Variants in LSAMP observed in about 807,000 individuals in gnomAD.
The protein encoded by LSAMP is limbic system associated membrane protein.
LSAMP carries 7 observed loss-of-function variants against 38.6 expected under a neutral mutation model. The ratio of observed to expected loss-of-function variants is 0.18; its 90% CI spans 0.10 to 0.34. LSAMP has a LOEUF of 0.34. Ranked by LOEUF, LSAMP falls within the 10% of genes least tolerant of loss-of-function variation. The pLI is 1.00. For missense variants in LSAMP, 313 were observed against 420.0 expected, an observed-to-expected ratio of 0.75 and a Z score of 2.23; for synonymous variants, 154 against 166.8, an observed-to-expected ratio of 0.92 and a Z score of 0.59.
chr3:115,848,653 T>C (rs762040392), intron 4 of LSAMP, among the ~76,000 whole-genome samples: 6 of 152,150 alleles, frequency 3.9e-5, no homozygotes, highest in Non-Finnish European at 2.9e-5. Flanking sequence ...TGCCCCAGCA[T>C]GGGTGTTGGT....
intron 1 of LSAMP, among the ~76,000 whole-genome samples, chr3:116,214,280 A>T (rs1160990886): frequency 6.6e-6 from 1 of 152,172 alleles, no homozygotes; most frequent in African/African-American, 2.4e-5. Context: ...GCTAATGTGT[A>T]TATTAAGCTC....
At chr3:115,925,471 C>T (rs1937477869) in intron 3 of LSAMP, among the ~76,000 whole-genome samples, 1 of 152,246 alleles carries the variant, frequency 6.6e-6, no homozygotes, top group African/African-American at 2.4e-5. Context: ...GATGGGCCTC[C>T]ATTTGCAATT....
intron 1 of LSAMP, among the ~76,000 whole-genome samples, chr3:116,228,135 A>G (rs531068822): frequency 4.4e-4 from 67 of 152,184 alleles, no homozygotes; most frequent in Admixed American, 1.4e-3. Flanking sequence ...AATTGTCCTT[A>G]TGTGGTCCAC....
At chr3:116,387,386 G>A (rs1256030327) in intron 1 of LSAMP, among the ~76,000 whole-genome samples, 1 of 152,152 alleles carries the variant, frequency 6.6e-6, no homozygotes, top group Non-Finnish European at 1.5e-5. Flanking sequence ...ATACAGAAGA[G>A]TCAGAGAACA....
chr3:115,822,917 G>A (rs962694002), intron 6 of LSAMP, among the ~76,000 whole-genome samples: 1 of 152,128 alleles, frequency 6.6e-6, no homozygotes, highest in Non-Finnish European at 1.5e-5. Context: ...TAATGACATA[G>A]GCATGAGTAG....
At chr3:116,197,163 A>ACACACACTCTCTCTCTCTCTCTCTCTCT (rs1268040540) in intron 1 of LSAMP, among the ~76,000 whole-genome samples, 4 of 139,088 alleles carry the variant, frequency 2.9e-5, no homozygotes, top group African/African-American at 1.0e-4. Flanking sequence ...ACACACACAC[A>ACACACACTCTCTCTCTCTCTCTCTCTCT]CTCTCTCTCT....
In LSAMP at chr3:116,335,307, G is replaced by A. The variant is rs116039851; in HGVS notation, c.155+109570C>T. Among the ~76,000 whole-genome samples the A allele has an allele frequency of 7.3e-3, 1,106 of 152,134 alleles. 11 individuals are homozygous for A. Among genetic ancestry groups the A allele is most frequent in the African/African-American group, 0.025 (1,031 of 41,544 alleles). Reference sequence around the variant, plus strand: ...TACTAACTAAAGCAATGTACAGAATGAATGCCATCCCTATCAAAATCCTGA... The same window carrying A: ...TACTAACTAAAGCAATGTACAGAATAAATGCCATCCCTATCAAAATCCTGA... On this transcript the variant is annotated intron_variant, in intron 1 of 6. Transcript: ENST00000490035.
At chr3:116,226,941 A>C (rs1338237159) in intron 1 of LSAMP, among the ~76,000 whole-genome samples, 1 of 151,764 alleles carries the variant, frequency 6.6e-6, no homozygotes, top group Non-Finnish European at 1.5e-5. Flanking sequence ...AAAGCTGGGA[A>C]TTTTTTTTCA....
At chr3:116,026,587 A>G (rs1940797277) in intron 2 of LSAMP, among the ~76,000 whole-genome samples, 1 of 152,174 alleles carries the variant, frequency 6.6e-6, no homozygotes, top group Non-Finnish European at 1.5e-5. Flanking sequence ...CAAGTGACCA[A>G]TTCTTGGACA....
At chr3:116,170,420 T>G (rs1710168605) in intron 1 of LSAMP, among the ~76,000 whole-genome samples, 2 of 152,208 alleles carry the variant, frequency 1.3e-5, no homozygotes, top group South Asian at 4.1e-4. Context: ...TAATTACCTT[T>G]CATATTATAA....
At position 115,804,115 on chromosome 3, in the gene LSAMP, A is replaced by G. The variant is rs148153140; in HGVS notation, c.*6202T>C. On this transcript the variant is annotated 3_prime_UTR_variant, in exon 7 of 7. Coordinates refer to ENST00000490035, the MANE Select transcript of LSAMP (RefSeq NM_002338.5). ...CACTGCTATAAAGTTTTGATCAGAA[A>G]AAATTTACAGACCCAGTCCAGAGTC... 5.3e-5 allele frequency: 8 copies of G among 152,304 alleles called. No homozygotes were observed. In the East Asian group the frequency reaches 7.7e-4, roughly 15 times the overall value. 9.4% of individuals were successfully genotyped at this position (152,304 alleles called of 1,614,324 possible). A position where few individuals can be genotyped will look rare whatever the true frequency, so the allele number is the denominator to read the frequency against.
At chr3:115,866,419 A>G (rs1235817155) in intron 3 of LSAMP, among the ~76,000 whole-genome samples, 2 of 152,090 alleles carry the variant, frequency 1.3e-5, no homozygotes, top group Non-Finnish European at 2.9e-5. Context: ...AAAATCACTG[A>G]GAATAGGTCA....
At chr3:116,317,411 A>G (rs1053478493) in intron 1 of LSAMP, among the ~76,000 whole-genome samples, 1 of 148,956 alleles carries the variant, frequency 6.7e-6, no homozygotes, top group Non-Finnish European at 1.5e-5. Flanking sequence ...GCTGGAGCGC[A>G]GTGGCGCGAT....
chr3:116,363,794 T>C (rs1317788188), intron 1 of LSAMP, among the ~76,000 whole-genome samples: 8 of 150,168 alleles, frequency 5.3e-5, no homozygotes, highest in African/African-American at 1.2e-4. Flanking sequence ...AGAAAAGGCC[T>C]TTGAAAAAAT....
At chr3:116,067,199 T>C (rs1707478254) in intron 2 of LSAMP, among the ~76,000 whole-genome samples, 1 of 152,176 alleles carries the variant, frequency 6.6e-6, no homozygotes, top group Admixed American at 6.5e-5. Flanking sequence ...TGCCTTAGTG[T>C]CTGAGCTTGT....
intron 1 of LSAMP, among the ~76,000 whole-genome samples, chr3:116,280,771 T>C (rs1034591118): frequency 6.6e-6 from 1 of 152,252 alleles, no homozygotes; most frequent in African/African-American, 2.4e-5. Context: ...TCTCAGTTTG[T>C]TCTTCTCTAG....
At position 116,174,761 on chromosome 3, in the gene LSAMP, T is replaced by C. The variant is rs1710294159; in HGVS notation, c.156-88205A>G. Among the ~76,000 whole-genome samples, 3 of 151,964 alleles carry C rather than the reference T, an allele frequency of 2.0e-5. No homozygotes were observed. In the South Asian group the frequency reaches 6.2e-4, roughly 32 times the overall value. On this transcript the variant is annotated intron_variant, in intron 1 of 6. Transcript: ENST00000490035. ...CAAAACAATACTCACTCAATCCAAA[T>C]CATGGACAATGACTCTCTGCCGTCT...
At chr3:116,031,449 T>C (rs1398516706) in intron 2 of LSAMP, among the ~76,000 whole-genome samples, 2 of 151,834 alleles carry the variant, frequency 1.3e-5, no homozygotes, top group East Asian at 1.9e-4. Context: ...CATTTCATTT[T>C]GGGAATCAGA....
chr3:116,064,338 C>T (rs1941645440), intron 2 of LSAMP, among the ~76,000 whole-genome samples: 3 of 151,940 alleles, frequency 2.0e-5, no homozygotes, highest in Non-Finnish European at 2.9e-5. Context: ...CCAGCCTGAC[C>T]AACATGGTGA....
Sources: gnomAD v4.1 joint callset for allele counts (sites outside exome capture counted in the v4.1 genomes callset) on GRCh38, gnomAD v4.1.1 for gene constraint, MANE v1.5 for transcripts, NCBI Gene and HGNC (gene_info 2026-07-23, HGNC 2026-07-21) for gene names.